R3HCC1L: variants seen among roughly 807,000 people sequenced by gnomAD.
R3HCC1L encodes the protein coiled-coil domain-containing protein R3HCC1L.
R3HCC1L carries 51 observed loss-of-function variants against 59.9 expected under a neutral mutation model. The ratio of observed to expected loss-of-function variants is 0.85; its 90% CI spans 0.68 to 1.07. The LOEUF (loss-of-function observed/expected upper bound fraction) is 1.07, where lower values mean the gene tolerates loss of function less well. R3HCC1L is among the 50% of genes least tolerant of loss of function. R3HCC1L has a pLI of 0.00. For synonymous variants in R3HCC1L, 322 were observed against 315.2 expected (o/e 1.02, Z -0.23); for missense variants, 965 against 933.0 (o/e 1.03, Z -0.45).
At chr10:98,182,138 A>G (rs1288679601) in intron 4 of R3HCC1L, among the ~76,000 whole-genome samples, 1 of 152,148 alleles carries the variant, frequency 6.6e-6, no homozygotes, top group Non-Finnish European at 1.5e-5. Context: ...GTTTCTCCCC[A>G]TCTTTGTGGT....
At chr10:98,230,949 A>T (rs1345390528) in intron 5 of R3HCC1L, 1 of 326,558 alleles carries the variant, frequency 3.1e-6, no homozygotes, top group Non-Finnish European at 6.2e-6. Context: ...CATGCTAAGG[A>T]CATTAAGTAT....
chr10:98,151,253 C>A (rs1035706974), intron 1 of R3HCC1L, among the ~76,000 whole-genome samples: 8 of 152,136 alleles, frequency 5.3e-5, no homozygotes, highest in African/African-American at 1.7e-4. Context: ...GGAAGAAGGT[C>A]TAGTGTGCGC....
At chr10:98,234,052 C>G (rs937781309) in intron 6 of R3HCC1L, among the ~76,000 whole-genome samples, 1 of 151,958 alleles carries the variant, frequency 6.6e-6, no homozygotes, top group African/African-American at 2.4e-5. Flanking sequence ...ATCCAGGTGA[C>G]CTTCCCTGCC....
chr10:98,155,512 T>C (rs1236496221), intron 1 of R3HCC1L, among the ~76,000 whole-genome samples: 1 of 152,154 alleles, frequency 6.6e-6, no homozygotes, highest in Non-Finnish European at 1.5e-5. Context: ...TGTTTTTGAA[T>C]GATGAACAAT....
At chr10:98,184,143 C>G (rs960513881) in intron 4 of R3HCC1L, among the ~76,000 whole-genome samples, 1 of 151,878 alleles carries the variant, frequency 6.6e-6, no homozygotes, top group Non-Finnish European at 1.5e-5. Context: ...CTTAAAGTTT[C>G]TCTAGCATTA....
At chr10:98,241,383 A>G (rs1857517569) in intron 9 of R3HCC1L, among the ~76,000 whole-genome samples, 1 of 152,100 alleles carries the variant, frequency 6.6e-6, no homozygotes, top group Non-Finnish European at 1.5e-5. Context: ...ACATTCTCTT[A>G]TGTAAAGTCT....
At chr10:98,230,181 G>C (rs1018149898) in intron 5 of R3HCC1L, among the ~76,000 whole-genome samples, 1 of 152,138 alleles carries the variant, frequency 6.6e-6, no homozygotes, top group Non-Finnish European at 1.5e-5. Context: ...TGTACCTCTG[G>C]TAGAATTCAG....
intron 5 of R3HCC1L, among the ~76,000 whole-genome samples, chr10:98,217,896 A>G (rs1395903878): frequency 6.6e-6 from 1 of 151,650 alleles, no homozygotes; most frequent in Non-Finnish European, 1.5e-5. Context: ...GAATTTCTTT[A>G]TCAGTTCTGA....
At chr10:98,137,019 G>A (rs549328994) in intron 1 of R3HCC1L, among the ~76,000 whole-genome samples, 50 of 152,198 alleles carry the variant, frequency 3.3e-4, no homozygotes, top group African/African-American at 1.1e-3. Flanking sequence ...GACCATCCTG[G>A]CCAACATGGT....
At chr10:98,195,385 T>C (rs1207928725) in intron 4 of R3HCC1L, among the ~76,000 whole-genome samples, 2 of 151,844 alleles carry the variant, frequency 1.3e-5, no homozygotes, top group Admixed American at 6.6e-5. Flanking sequence ...TACAACAATA[T>C]GCATATAGTT....
intron 5 of R3HCC1L, among the ~76,000 whole-genome samples, chr10:98,212,229 T>C (rs1853664745): frequency 6.6e-6 from 1 of 152,198 alleles, no homozygotes; most frequent in African/African-American, 2.4e-5. Context: ...TGATGACTTC[T>C]GGTTTATTAT....
In R3HCC1L at chr10:98,209,629, G is replaced by A. The variant is rs1349578647; in HGVS notation, c.1515G>A (p.Val505=). 2 of 1,613,874 alleles carry A rather than the reference G, an allele frequency of 1.2e-6. No homozygotes were observed. The highest frequency in any genetic ancestry group is 2.7e-5 in the African/African-American group (2 of 74,898). ...CAAAAGTTCTTTCAGACAGTGCCGT[G>A]GGCATTGACCTGGGTAGTACTGGTG... ...NGTKVLSDSA[V]GIDLGSTGDT... The change falls in exon 5 of 10, where the codon GTG becomes GTA. Residue 505 remains valine, a synonymous_variant. Coordinates refer to ENST00000298999, the MANE Select transcript of R3HCC1L (RefSeq NM_001351015.2).
intron 4 of R3HCC1L, among the ~76,000 whole-genome samples, chr10:98,179,743 C>T (rs1240886021): frequency 1.3e-5 from 2 of 152,078 alleles, no homozygotes; most frequent in Admixed American, 6.6e-5. Context: ...ATTTTGGAGC[C>T]TGTTACTGGT....
intron 4 of R3HCC1L, among the ~76,000 whole-genome samples, chr10:98,164,216 G>T (rs1163797317): frequency 6.6e-6 from 1 of 152,150 alleles, no homozygotes; most frequent in South Asian, 2.1e-4. Flanking sequence ...GTGATTTGCC[G>T]AATTTTCTCT....
At chr10:98,200,118 G>A (rs987065438) in intron 4 of R3HCC1L, among the ~76,000 whole-genome samples, 4 of 151,990 alleles carry the variant, frequency 2.6e-5, no homozygotes, top group African/African-American at 9.7e-5. Flanking sequence ...GTTTGATTCT[G>A]CCAGAATCAA....
intron 4 of R3HCC1L, among the ~76,000 whole-genome samples, chr10:98,196,024 T>C (rs1374359689): frequency 6.6e-6 from 1 of 152,198 alleles, no homozygotes; most frequent in African/African-American, 2.4e-5. Context: ...TGACATTTAT[T>C]TATGTATAAA....
At position 98,170,850 on chromosome 10, in the gene R3HCC1L, T is replaced by C. The variant is rs539185424; in HGVS notation, c.-15+7453T>C. 2.0e-5 allele frequency among the ~76,000 whole-genome samples: 3 copies of C among 152,322 alleles called. No homozygotes were observed. The East Asian group carries it at 5.8e-4, about 29-fold the overall frequency. On this transcript the variant is annotated intron_variant, in intron 4 of 9. Coordinates refer to ENST00000298999, the MANE Select transcript of R3HCC1L (RefSeq NM_001351015.2). The stretch of plus-strand genomic sequence containing the variant: ...TCTGATTCTGCTTTCACTTATTATC[T>C]TTCTAAAACTTTCTGGGTAGGGCTG...
intron 1 of R3HCC1L, among the ~76,000 whole-genome samples, chr10:98,138,818 C>T (rs1354875704): frequency 1.3e-5 from 2 of 152,104 alleles, no homozygotes; most frequent in Non-Finnish European, 2.9e-5. Context: ...TTCATATGAT[C>T]ATTCTGAATT....
At chr10:98,232,186 C>CGA in intron 6 of R3HCC1L, among the ~76,000 whole-genome samples, 1 of 152,162 alleles carries the variant, frequency 6.6e-6, no homozygotes, top group South Asian at 2.1e-4. Context: ...GACAGGGTTT[C>CGA]ACCATGTTGC....
Sources: allele counts gnomAD v4.1 joint callset (sites outside exome capture counted in the v4.1 genomes callset), GRCh38; gene constraint gnomAD v4.1.1; transcripts MANE v1.5; gene names NCBI Gene and HGNC (gene_info 2026-07-23, HGNC 2026-07-21).